The following PKP3 variants were observed in gnomAD, a reference collection of about 807,000 sequenced individuals.
PKP3 encodes the protein plakophilin 3, also known as plakophilin-3.
A neutral mutation model predicts 76.5 loss-of-function variants in PKP3; 66 were observed. The observed-to-expected ratio is 0.86, with a 90% CI of 0.71 to 1.06. The LOEUF (loss-of-function observed/expected upper bound fraction) is 1.06. Among genes scored for constraint, PKP3 ranks in the 50% least tolerant of loss-of-function variants. The pLI is 0.00. For synonymous variants in PKP3, 638 were observed against 516.5 expected (o/e 1.24, Z -3.19); for missense variants, 1,338 against 1,141.0 (o/e 1.17, Z -2.49).
chr11:396,825 C>T lies in PKP3; in HGVS notation c.324C>T (p.Pro108=). 1.3e-6 allele frequency: 2 copies of T among 1,589,724 alleles called. No homozygotes were observed. The highest frequency in any genetic ancestry group is 8.5e-7 in the Non-Finnish European group (1 of 1,172,484). ...LSGDKTSGFR[P]IAKPAYSPAS... is the part of the protein sequence containing the mutation. ...CTCTCGACCCACAGGGCTTCCGGCC[C>T]ATCGCCAAGCCGGCCTACAGCCCAG... The change falls in exon 3 of 13, where the codon CCC becomes CCT. Residue 108 remains proline, a synonymous_variant. Transcript: ENST00000331563.
chr11:403,928 C>G lies in PKP3; in HGVS notation c.2078-15C>G. Reference sequence around the variant, plus strand: ...CCAGGAGTAGGGGTGCAGACTGACCCCCGGCCTCCCACAGCCACGAAGGTG... The same window carrying G: ...CCAGGAGTAGGGGTGCAGACTGACCGCCGGCCTCCCACAGCCACGAAGGTG... On this transcript the variant is annotated splice_polypyrimidine_tract_variant and intron_variant, in intron 10 of 12. Coordinates refer to ENST00000331563, the MANE Select transcript of PKP3 (RefSeq NM_007183.4). 3 of 1,584,566 alleles carry G rather than the reference C, an allele frequency of 1.9e-6. No homozygotes were observed. Among genetic ancestry groups the G allele is most frequent in the Non-Finnish European group, 1.7e-6 (2 of 1,163,176 alleles).
In PKP3 at chr11:404,476, G is replaced by A. The variant is rs751738367; in HGVS notation, c.2359-58G>A. The A allele has an allele frequency of 1.0e-5, 16 of 1,580,864 alleles. No homozygotes were observed. The highest frequency in any genetic ancestry group is 2.2e-5 in the East Asian group (1 of 44,690). ...CCCAGCACACTGCAGGAGGGACAGC[G>A]GGCAGAGGGCCACATGGGCAGACAT... On this transcript the variant is annotated intron_variant, in intron 12 of 12. Coordinates refer to ENST00000331563, the MANE Select transcript of PKP3 (RefSeq NM_007183.4). This position sits in a 1 kb window ranked among gnomAD's most constrained non-coding sequence, Gnocchi z 4.2.
chr11:399,988 C>T lies in PKP3; in HGVS notation c.1295C>T (p.Ser432Phe). ...CCAGGGATCCTGTGGAACCTTTCAT[C>T]CAGCGACCACCTGAAGGACCGCCTG... is the stretch of plus-strand genomic sequence containing the variant. ...NVTGILWNLS[S>F]SDHLKDRLAR... The change falls in exon 6 of 13, where the codon TCC (serine) becomes TTC (phenylalanine). Residue 432 changes from serine (S) to phenylalanine (F), a missense_variant. Transcript: ENST00000331563. 6.2e-7 allele frequency: 1 copy of T among 1,604,982 alleles called. No homozygotes were observed. Among genetic ancestry groups the T allele is most frequent in the East Asian group, 2.2e-5 (1 of 44,660 alleles).
chr11:403,393 CGGTGG>C (rs1847191518), intron 9 of PKP3, 130 bp downstream of exon 9: 1 of 891,550 alleles, frequency 1.1e-6, no homozygotes, highest in African/African-American at 1.7e-5. Flanking sequence ...GTCAGCGTCC[CGGTGG>C]CGCAGGCCTT....
Position 397,089 on chromosome 11 carries a change from C to A in PKP3, c.588C>A (p.Ser196Arg). ...CCGGGGGCCTGGACGACCGCTACAG[C>A]CTGGTGTCTGAGCAGCTGGAGCCCG... Reference protein sequence around the residue: ...LGPGGLDDRYSLVSEQLEPAA... With the variant: ...LGPGGLDDRYRLVSEQLEPAA... Residue 196 changes from serine to arginine, a missense_variant, in exon 3 of 13, where the codon AGC (serine) becomes AGA (arginine). By Grantham distance (110) the Ser-to-Arg change is moderately radical. Transcript: ENST00000331563. 6.3e-7 allele frequency: 1 copy of A among 1,598,566 alleles called. No individual in the cohort carries two copies. The highest frequency in any genetic ancestry group is 8.5e-7 in the Non-Finnish European group (1 of 1,179,458).
chr11:399,989 C>A lies in PKP3; in HGVS notation c.1296C>A (p.Ser432=). 6.2e-7 allele frequency: 1 copy of A among 1,605,172 alleles called. No homozygotes were observed. Among genetic ancestry groups the A allele is most frequent in the Non-Finnish European group, 8.5e-7 (1 of 1,177,338 alleles). ...CAGGGATCCTGTGGAACCTTTCATC[C>A]AGCGACCACCTGAAGGACCGCCTGG... ...NVTGILWNLS[S]SDHLKDRLAR... The change falls in exon 6 of 13, where the codon TCC becomes TCA. Residue 432 remains serine, a synonymous_variant. Coordinates refer to ENST00000331563, the MANE Select transcript of PKP3 (RefSeq NM_007183.4).
rs1847055886 is a variant in PKP3 at position 396,969 on chromosome 11, C to A, written c.468C>A (p.Pro156=). The change falls in exon 3 of 13, where the codon CCC becomes CCA. Residue 156 remains proline (P), a synonymous_variant. Transcript: ENST00000331563. ...AGYGGAQPTP[P]MPTRPVSFHE... ...ACGGGGGTGCCCAGCCCACCCCTCC[C>A]ATGCCCACCAGGCCCGTGTCCTTCC... is the stretch of plus-strand genomic sequence containing the variant. The A allele has an allele frequency of 6.3e-7, 1 of 1,598,286 alleles. No individual in the cohort carries two copies. The highest frequency in any genetic ancestry group is 8.5e-7 in the Non-Finnish European group (1 of 1,178,060).
chr11:400,646 G>C lies in PKP3; in HGVS notation c.1678G>C (p.Gly560Arg). 1 of 1,371,196 alleles carries C rather than the reference G, an allele frequency of 7.3e-7. No homozygotes were observed. The highest frequency in any genetic ancestry group is 9.4e-7 in the Non-Finnish European group (1 of 1,069,412). 84.9% of individuals were successfully genotyped at this position (1,371,196 alleles called of 1,614,324 possible). A position where few individuals can be genotyped will look rare whatever the true frequency, so the allele number is the denominator to read the frequency against. ...LEGRGRRDLA[G>R]APPGEVVGCF... ...GGGTCGCGGCCGCAGGGACCTGGCG[G>C]GGGCGCCGCCGGGAGAGGTCGTGGG... Residue 560 changes from glycine (G) to arginine (R), a missense_variant, in exon 8 of 13, where the codon GGG becomes CGG. Gly to Arg is a moderately radical substitution (Grantham distance 125). Coordinates refer to ENST00000331563, the MANE Select transcript of PKP3 (RefSeq NM_007183.4).
chr11:396,837 G>T lies in PKP3; in HGVS notation c.336G>T (p.Pro112=). The T allele has an allele frequency of 6.3e-7, 1 of 1,596,676 alleles. No homozygotes were observed. Residue 112 remains proline (P), a synonymous_variant, in exon 3 of 13, where the codon CCG becomes CCT. Coordinates refer to ENST00000331563, the MANE Select transcript of PKP3 (RefSeq NM_007183.4). The part of the protein sequence containing the change: ...KTSGFRPIAK[P]AYSPASWSSR... ...AGGGCTTCCGGCCCATCGCCAAGCC[G>T]GCCTACAGCCCAGCCTCCTGGTCCT...
chr11:400,734 G>A (rs1847141809), intron 8 of PKP3, 29 bp downstream of exon 8: 6 of 1,188,052 alleles, frequency 5.1e-6, no homozygotes, highest in Non-Finnish European at 6.3e-6. Context: ...GGGGCGTGGG[G>A]TGGGTGCTGC....
chr11:397,074 G>A lies in PKP3; in HGVS notation c.573G>A (p.Leu191=), dbSNP rs1441404785. ...LRSLRLGPGG[L]DDRYSLVSEQ... is the part of the protein sequence containing the mutation. Reference sequence around the variant, plus strand: ...CGCTGCGGCTGGGGCCCGGGGGCCTGGACGACCGCTACAGCCTGGTGTCTG... The same window carrying A: ...CGCTGCGGCTGGGGCCCGGGGGCCTAGACGACCGCTACAGCCTGGTGTCTG... The change falls in exon 3 of 13, where the codon CTG becomes CTA. Residue 191 remains leucine, a synonymous_variant. Coordinates refer to ENST00000331563, the MANE Select transcript of PKP3 (RefSeq NM_007183.4). 2 of 1,598,694 alleles carry A rather than the reference G, an allele frequency of 1.3e-6. No homozygotes were observed. Among genetic ancestry groups the A allele is most frequent in the Non-Finnish European group, 1.7e-6 (2 of 1,179,522 alleles).
At chr11:397,957 G>A (rs1378880720) in intron 4 of PKP3, among the ~76,000 whole-genome samples, 3 of 54,732 alleles carry the variant, frequency 5.5e-5, no homozygotes, top group East Asian at 4.5e-4. Flanking sequence ...CCATACCCCC[G>A]CACACACCTC....
At position 397,248 on chromosome 11, in the gene PKP3, G is replaced by T. The variant is rs766340420; in HGVS notation, c.747G>T (p.Arg249=). Residue 249 remains arginine (R), a synonymous_variant, in exon 3 of 13, where the codon CGG becomes CGT. Transcript: ENST00000331563. ...PSRTIRAPAV[R]TLQRFQSSHR... Reference sequence around the variant, plus strand: ...GGACCATCCGTGCCCCTGCCGTGCGGACCCTGCAGCGATTCCAGAGCAGCC... The same window carrying T: ...GGACCATCCGTGCCCCTGCCGTGCGTACCCTGCAGCGATTCCAGAGCAGCC... The T allele has an allele frequency of 3.1e-6, 5 of 1,599,992 alleles. No homozygotes were observed. Among genetic ancestry groups the T allele is most frequent in the South Asian group, 1.1e-5 (1 of 90,642 alleles).
Position 403,598 on chromosome 11 carries a change from C to T in PKP3, c.1924-20C>T, listed in dbSNP as rs772416276. The T allele has an allele frequency of 3.8e-6, 6 of 1,599,510 alleles. No homozygotes were observed. The highest frequency in any genetic ancestry group is 1.1e-5 in the South Asian group (1 of 90,990). ...GGTCTGAGGCCTCCGGGTCACGGCTCACACCCTCCCTCCCCACAGTGGGCG... is the reference window on the plus strand; with the variant it reads ...GGTCTGAGGCCTCCGGGTCACGGCTTACACCCTCCCTCCCCACAGTGGGCG... On this transcript the variant is annotated intron_variant, in intron 9 of 12. Coordinates refer to ENST00000331563, the MANE Select transcript of PKP3 (RefSeq NM_007183.4).
intron 4 of PKP3, 35 bp downstream of exon 4, chr11:397,697 G>A: frequency 1.2e-6 from 2 of 1,600,880 alleles, no homozygotes; most frequent in Non-Finnish European, 1.7e-6. Context: ...CTGCCCCCTG[G>A]TGACCTCCTT....
chr11:394,033 G>C (rs1847009541), upstream of PKP3: 4 of 453,222 alleles, frequency 8.8e-6, no homozygotes, highest in Non-Finnish European at 1.5e-5. Flanking sequence ...GAGGCGGGAG[G>C]CCAGGCTGGG....
At chr11:400,302 C>T (rs1456017688) in intron 6 of PKP3, 32 bp from the exon 7 acceptor site, 8 of 1,516,142 alleles carry the variant, frequency 5.3e-6, no homozygotes, top group Non-Finnish European at 6.2e-6. Flanking sequence ...ATGCGGGGTC[C>T]CTGGGGGGCT....
Position 397,081 on chromosome 11 carries a change from C to G in PKP3, c.580C>G (p.Arg194Gly). 6.3e-7 allele frequency: 1 copy of G among 1,598,528 alleles called. No individual in the cohort carries two copies. Among genetic ancestry groups the G allele is most frequent in the Non-Finnish European group, 8.5e-7 (1 of 1,179,494 alleles). Residue 194 changes from arginine to glycine, a missense_variant, in exon 3 of 13, where the codon CGC becomes GGC. Coordinates refer to ENST00000331563, the MANE Select transcript of PKP3 (RefSeq NM_007183.4). ...GCTGGGGCCCGGGGGCCTGGACGAC[C>G]GCTACAGCCTGGTGTCTGAGCAGCT... ...LRLGPGGLDD[R>G]YSLVSEQLEP...
At chr11:393,253 C>T (rs532399922), upstream of PKP3, among the ~76,000 whole-genome samples, 1 of 151,946 alleles carries the variant, frequency 6.6e-6, no homozygotes, top group Non-Finnish European at 1.5e-5. Flanking sequence ...CCACCCCCAC[C>T]AGGGGCCCCC....
Sources: allele counts gnomAD v4.1 joint callset (sites outside exome capture counted in the v4.1 genomes callset), GRCh38; gene constraint gnomAD v4.1.1; non-coding constraint Gnocchi (gnomAD v3.1); transcripts MANE v1.5; gene names NCBI Gene and HGNC (gene_info 2026-07-23, HGNC 2026-07-21).